SNTG1: variants seen among roughly 807,000 people sequenced by gnomAD.
SNTG1 encodes the protein syntrophin gamma 1.
SNTG1 carries 39 observed loss-of-function variants against 74.7 expected under a neutral mutation model. The observed-to-expected ratio is 0.52, with a 90% CI of 0.40 to 0.68. The LOEUF is 0.68. Ranked by LOEUF, SNTG1 falls within the 30% of genes least tolerant of loss-of-function variation. The probability of loss-of-function intolerance (pLI) is 0.00; values close to 1 mark genes in which losing one functional copy is unlikely to be tolerated. For synonymous variants in SNTG1, 254 were observed against 217.1 expected (o/e 1.17, Z -1.49); for missense variants, 685 against 609.5 (o/e 1.12, Z -1.30).
chr8:50,783,172 T>C (rs532191285), intron 18 of SNTG1, among the ~76,000 whole-genome samples: 2 of 152,330 alleles, frequency 1.3e-5, no homozygotes, highest in East Asian at 3.9e-4. Flanking sequence ...GGAGGCAGTC[T>C]GCCCATTCTC....
intron 18 of SNTG1, chr8:50,762,727 T>A (rs1202443483): frequency 2.1e-6 from 1 of 484,296 alleles, no homozygotes; most frequent in Non-Finnish European, 4.2e-6. Flanking sequence ...TGTGCTTGCC[T>A]CCCTTTTCCA....
intron 2 of SNTG1, among the ~76,000 whole-genome samples, chr8:50,223,119 T>A (rs1450013768): frequency 1.3e-5 from 2 of 151,918 alleles, no homozygotes; most frequent in Non-Finnish European, 2.9e-5. Flanking sequence ...AAACAAGCAA[T>A]CTAAGTATTA....
At chr8:50,389,585 T>C (rs1046360659) in intron 2 of SNTG1, among the ~76,000 whole-genome samples, 8 of 152,216 alleles carry the variant, frequency 5.3e-5, no homozygotes, top group Non-Finnish European at 1.0e-4. Flanking sequence ...TTATAATCCT[T>C]TGGGTATATA....
intron 2 of SNTG1, among the ~76,000 whole-genome samples, chr8:50,249,100 A>G (rs530407579): frequency 6.6e-6 from 1 of 152,226 alleles, no homozygotes; most frequent in South Asian, 2.1e-4. Flanking sequence ...ACCTCTTCCT[A>G]CAAGGAAAAT....
At position 50,557,147 on chromosome 8, in the gene SNTG1, T is replaced by C. The variant is rs180738262; in HGVS notation, c.810+3968T>C. ...TGGGCCCAGCATGCACCCCCACTTC[T>C]TTAGGGGCTGATCCCTCCTACAGTA... On this transcript the variant is annotated intron_variant, in intron 12 of 18. Transcript: ENST00000642720. Among the ~76,000 whole-genome samples, 18 of 151,644 alleles carry C rather than the reference T, an allele frequency of 1.2e-4. 1 individual carries two copies. In the East Asian group the frequency reaches 2.0e-3, roughly 16 times the overall value.
intron 3 of SNTG1, among the ~76,000 whole-genome samples, chr8:50,397,696 C>T (rs1245384459): frequency 6.6e-6 from 1 of 152,142 alleles, no homozygotes; most frequent in Non-Finnish European, 1.5e-5. Context: ...AACCATAATG[C>T]TCTCCAGTGA....
At chr8:50,688,597 T>C (rs1255343406) in intron 15 of SNTG1, among the ~76,000 whole-genome samples, 1 of 152,198 alleles carries the variant, frequency 6.6e-6, no homozygotes, top group Non-Finnish European at 1.5e-5. Flanking sequence ...GAGGGCTCTG[T>C]TCTGTTCCAT....
intron 9 of SNTG1, among the ~76,000 whole-genome samples, chr8:50,510,635 T>G (rs2129922118): frequency 6.6e-6 from 1 of 152,324 alleles, no homozygotes; most frequent in Non-Finnish European, 1.5e-5. Flanking sequence ...CTTCCTGGTT[T>G]AGTCTTGGGA....
intron 2 of SNTG1, among the ~76,000 whole-genome samples, chr8:50,233,767 G>A (rs1165500257): frequency 6.6e-6 from 1 of 151,532 alleles, no homozygotes; most frequent in South Asian, 2.1e-4. Context: ...CACTAAAGAG[G>A]CTATATGGAT....
At position 50,691,762 on chromosome 8, in the gene SNTG1, A is replaced by G. The variant is rs2095380841; in HGVS notation, c.1039-12838A>G. Among the ~76,000 whole-genome samples the G allele has an allele frequency of 2.0e-5, 3 of 152,038 alleles. No individual in the cohort carries two copies. In the South Asian group the frequency reaches 6.2e-4, roughly 32 times the overall value. On this transcript the variant is annotated intron_variant, in intron 15 of 18. Transcript: ENST00000642720. ...TCTTCTTAAGGAGTATCTTTGTTAC[A>G]TTCTCTGTATTTCCTGAATTTGAAT...
At chr8:50,219,016 C>T (rs1440730639) in intron 2 of SNTG1, among the ~76,000 whole-genome samples, 1 of 152,046 alleles carries the variant, frequency 6.6e-6, no homozygotes, top group Admixed American at 6.6e-5. Flanking sequence ...ATGGGAATCT[C>T]CCACAGAAAC....
chr8:50,152,940 GA>G (rs1185976629), intron 1 of SNTG1, among the ~76,000 whole-genome samples: 1 of 152,064 alleles, frequency 6.6e-6, no homozygotes, highest in Non-Finnish European at 1.5e-5. Flanking sequence ...TCCTGAATTT[GA>G]ATGTTGGCCT....
At chr8:50,432,845 G>A (rs946270563) in intron 4 of SNTG1, among the ~76,000 whole-genome samples, 1 of 151,660 alleles carries the variant, frequency 6.6e-6, no homozygotes, top group African/African-American at 2.4e-5. Flanking sequence ...AGGCTGGAGT[G>A]CAGTGGCACA....
At chr8:50,670,419 T>A (rs2095274715) in intron 15 of SNTG1, among the ~76,000 whole-genome samples, 1 of 151,772 alleles carries the variant, frequency 6.6e-6, no homozygotes, top group Non-Finnish European at 1.5e-5. Context: ...GAGAGCCAAA[T>A]CTTGAGGGAA....
At chr8:49,924,979 C>A (rs948234033) in intron 1 of SNTG1, among the ~76,000 whole-genome samples, 1 of 151,742 alleles carries the variant, frequency 6.6e-6, no homozygotes, top group African/African-American at 2.4e-5. Flanking sequence ...GTGAGACCCC[C>A]CCATCACTAC....
At chr8:50,489,183 G>A (rs1032965946) in intron 8 of SNTG1, among the ~76,000 whole-genome samples, 9 of 152,172 alleles carry the variant, frequency 5.9e-5, no homozygotes, top group Non-Finnish European at 1.2e-4. Context: ...ATCATTGATG[G>A]ACATTTGGGT....
At chr8:50,478,589 C>T (rs956887370) in intron 8 of SNTG1, among the ~76,000 whole-genome samples, 34 of 152,106 alleles carry the variant, frequency 2.2e-4, no homozygotes, top group African/African-American at 8.0e-4. Context: ...AAACTGTATC[C>T]ATTGGACATA....
intron 1 of SNTG1, among the ~76,000 whole-genome samples, chr8:50,089,907 G>A (rs1374610293): frequency 6.6e-6 from 1 of 152,108 alleles, no homozygotes; most frequent in Non-Finnish European, 1.5e-5. Flanking sequence ...CCATTACTGG[G>A]TATATACCCA....
At chr8:50,488,283 A>C (rs2093817097) in intron 8 of SNTG1, among the ~76,000 whole-genome samples, 1 of 152,224 alleles carries the variant, frequency 6.6e-6, no homozygotes, top group South Asian at 2.1e-4. Flanking sequence ...GCACAGTGGA[A>C]AAAATGGAGA....
Sources: gnomAD v4.1 joint callset for allele counts (sites outside exome capture counted in the v4.1 genomes callset) on GRCh38, gnomAD v4.1.1 for gene constraint, MANE v1.5 for transcripts, NCBI Gene and HGNC (gene_info 2026-07-23, HGNC 2026-07-21) for gene names.